FXR1: variants seen among roughly 807,000 people sequenced by gnomAD.
FXR1 encodes FMR1 autosomal homolog 1.
In FXR1, 15 loss-of-function variants were observed where a neutral mutation model predicts 84.0. The observed-to-expected ratio is 0.18, with a 90% confidence interval of 0.12 to 0.27. The LOEUF (loss-of-function observed/expected upper bound fraction) is 0.27. FXR1 is among the 10% of genes least tolerant of loss of function. FXR1 has a pLI of 1.00. For synonymous variants in FXR1, 245 were observed against 250.7 expected, an observed-to-expected ratio of 0.98 and a Z score of 0.21; for missense variants, 480 against 774.4, an observed-to-expected ratio of 0.62 and a Z score of 4.51.
At chr3:180,935,999 C>G (rs1018252409) in intron 3 of FXR1, among the ~76,000 whole-genome samples, 1 of 152,146 alleles carries the variant, frequency 6.6e-6, no homozygotes, top group Non-Finnish European at 1.5e-5. Context: ...TCAAGCGATT[C>G]ACCTGCCTCA....
intron 15 of FXR1, chr3:180,971,851 T>C (rs539116755): frequency 6.5e-6 from 1 of 152,762 alleles, no homozygotes; most frequent in South Asian, 2.1e-4. Flanking sequence ...CACATGTATA[T>C]TCACAATGAA....
chr3:180,963,099 AAAT>A lies in FXR1; in HGVS notation c.1198+10_1198+12del. On this transcript the variant is annotated intron_variant, in intron 13 of 16. Coordinates refer to ENST00000357559, the MANE Select transcript of FXR1 (RefSeq NM_005087.4). Reference sequence around the variant, plus strand: ...TTACACCTCCGGTTATGGTAAAAAAAAATTTTTTTTTTTTTTTTTTGGTAATAG... The same window carrying A: ...TTACACCTCCGGTTATGGTAAAAAAATTTTTTTTTTTTTTTTTGGTAATAG... 7.5e-7 allele frequency: 1 copy of A among 1,329,394 alleles called. No homozygotes were observed. Among genetic ancestry groups the A allele is most frequent in the Non-Finnish European group, 1.1e-6 (1 of 947,316 alleles). The allele number at this position is 1,329,394 out of a possible 1,614,324, so 82.3% of individuals were successfully genotyped here.
chr3:180,943,557 C>T (rs1721369903), intron 3 of FXR1, among the ~76,000 whole-genome samples: 1 of 152,052 alleles, frequency 6.6e-6, no homozygotes, highest in Non-Finnish European at 1.5e-5. Context: ...GTGGGCTGTG[C>T]AGCCAAATTT....
At chr3:180,936,721 T>C (rs1020187708) in intron 3 of FXR1, among the ~76,000 whole-genome samples, 3 of 152,210 alleles carry the variant, frequency 2.0e-5, no homozygotes, top group Non-Finnish European at 4.4e-5. Flanking sequence ...AAGTGAATGC[T>C]TTACTCATTC....
intron 1 of FXR1, among the ~76,000 whole-genome samples, chr3:180,926,307 T>TA (rs1405819929): frequency 6.6e-6 from 1 of 151,998 alleles, no homozygotes; most frequent in East Asian, 1.9e-4. Flanking sequence ...GTGCGTCTGA[T>TA]ACTTCCTTTT....
In FXR1 at chr3:180,912,678, G is replaced by T. The variant is rs1483737523; in HGVS notation, c.-8G>T. On this transcript the variant is annotated 5_prime_UTR_variant, in exon 1 of 17. Transcript: ENST00000357559. ...GAATCTCTTCCCAGCGGCCTTTGCG[G>T]TTCCAACATGGCGGAGCTGACGGTG... is the stretch of plus-strand genomic sequence containing the variant. 1 of 1,614,014 alleles carries T rather than the reference G, an allele frequency of 6.2e-7. No individual in the cohort carries two copies. The highest frequency in any genetic ancestry group is 1.3e-5 in the African/African-American group (1 of 74,998).
At chr3:180,958,023 G>A (rs1711552409) in intron 10 of FXR1, 95 bp downstream of exon 10, 1 of 509,560 alleles carries the variant, frequency 2.0e-6, no homozygotes, top group African/African-American at 2.0e-5. Flanking sequence ...CTGATACAGA[G>A]GGTTTTTCTT....
chr3:180,935,638 A>T (rs1056406942), intron 3 of FXR1, among the ~76,000 whole-genome samples: 1 of 152,212 alleles, frequency 6.6e-6, no homozygotes, highest in Non-Finnish European at 1.5e-5. Flanking sequence ...TCATTAACAG[A>T]GTTCATATGT....
chr3:180,930,287 C>G (rs1719736629), intron 1 of FXR1, among the ~76,000 whole-genome samples: 1 of 151,480 alleles, frequency 6.6e-6, no homozygotes, highest in Admixed American at 6.6e-5. Context: ...AGTAGTTGTA[C>G]AGAGCTGTGT....
chr3:180,957,679 A>G (rs1711528005), intron 9 of FXR1, 140 bp from the exon 10 acceptor site: 1 of 545,236 alleles, frequency 1.8e-6, no homozygotes, highest in East Asian at 3.1e-5. Flanking sequence ...CTGTAGGGCG[A>G]GTTAATTGAT....
intron 3 of FXR1, among the ~76,000 whole-genome samples, chr3:180,945,652 G>A (rs147233566): frequency 3.6e-4 from 55 of 152,266 alleles, no homozygotes; most frequent in Non-Finnish European, 6.3e-4. Context: ...TCAAGCAGTC[G>A]ACCTGCTTTG....
Position 180,976,395 on chromosome 3 carries a change from A to T in FXR1, c.*103A>T. 1.4e-6 allele frequency: 1 copy of T among 717,532 alleles called. No individual in the cohort carries two copies. Among genetic ancestry groups the T allele is most frequent in the South Asian group, 2.3e-5 (1 of 43,060 alleles). The allele number at this position is 717,532 out of a possible 1,614,324, so 44.4% of individuals were successfully genotyped here. On this transcript the variant is annotated 3_prime_UTR_variant, in exon 17 of 17. Coordinates refer to ENST00000357559, the MANE Select transcript of FXR1 (RefSeq NM_005087.4). Reference sequence around the variant, plus strand: ...TATGGATCGCCAGTCTTTACATCGCACTTTCAGTTCCTCCATTTGGAATTC... The same window carrying T: ...TATGGATCGCCAGTCTTTACATCGCTCTTTCAGTTCCTCCATTTGGAATTC...
At chr3:180,961,821 T>C (rs1165389176) in intron 11 of FXR1, among the ~76,000 whole-genome samples, 4 of 152,220 alleles carry the variant, frequency 2.6e-5, no homozygotes, top group Non-Finnish European at 5.9e-5. Flanking sequence ...CTTTCTTTCT[T>C]AAGAAATGAT....
chr3:180,951,033 T>G (rs1198380405), intron 7 of FXR1, among the ~76,000 whole-genome samples: 1 of 151,690 alleles, frequency 6.6e-6, no homozygotes, highest in Non-Finnish European at 1.5e-5. Context: ...GGTAACATAG[T>G]GAGAGCTCGT....
intron 1 of FXR1, among the ~76,000 whole-genome samples, chr3:180,921,023 A>G (rs1159520487): frequency 6.6e-6 from 1 of 152,126 alleles, no homozygotes; most frequent in African/African-American, 2.4e-5. Flanking sequence ...CATGCTCAAT[A>G]CTAATGAATG....
intron 15 of FXR1, among the ~76,000 whole-genome samples, chr3:180,974,233 A>C (rs1713941474): frequency 6.7e-6 from 1 of 148,578 alleles, no homozygotes; most frequent in Non-Finnish European, 1.5e-5. Flanking sequence ...GTCTTGGCTC[A>C]TTGCACCCTC....
chr3:180,969,806 T>C (rs1253269167), intron 14 of FXR1, among the ~76,000 whole-genome samples: 2 of 152,236 alleles, frequency 1.3e-5, no homozygotes, highest in Admixed American at 6.5e-5. Flanking sequence ...CTTTTCATTT[T>C]TGTTTTTCTA....
At chr3:180,912,771 G>A (rs753907450) in intron 1 of FXR1, 35 bp downstream of exon 1, 1 of 1,613,990 alleles carries the variant, frequency 6.2e-7, no homozygotes, top group Non-Finnish European at 8.5e-7. Flanking sequence ...CGAGTGTTCT[G>A]GGTGCTGGAG....
At chr3:180,948,579 T>A in intron 5 of FXR1, 84 bp downstream of exon 5, 1 of 1,081,652 alleles carries the variant, frequency 9.2e-7, no homozygotes, top group Non-Finnish European at 1.4e-6. Flanking sequence ...TAATGCCCAA[T>A]CAAACCTTCT....
Sources: gnomAD v4.1 joint callset for allele counts (sites outside exome capture counted in the v4.1 genomes callset) on GRCh38, gnomAD v4.1.1 for gene constraint, MANE v1.5 for transcripts, NCBI Gene and HGNC (gene_info 2026-07-23, HGNC 2026-07-21) for gene names.